The following STXBP5 variants were observed in gnomAD, a reference collection of about 807,000 sequenced individuals.
STXBP5 encodes the protein syntaxin binding protein 5.
Under a neutral mutation model 152.4 loss-of-function variants are expected in STXBP5, and 50 were observed. The ratio of observed to expected loss-of-function variants is 0.33; its 90% confidence interval spans 0.26 to 0.42. The LOEUF is 0.42. Among genes scored for constraint, STXBP5 ranks in the 10% least tolerant of loss-of-function variants. STXBP5 has a pLI of 1.00. For synonymous variants in STXBP5, 492 were observed against 494.7 expected (o/e 0.99, Z 0.07); for missense variants, 1,167 against 1,388.6 (o/e 0.84, Z 2.54).
chr6:147,368,132 G>A (rs1317643591), intron 25 of STXBP5, among the ~76,000 whole-genome samples: 1 of 151,968 alleles, frequency 6.6e-6, no homozygotes, highest in Non-Finnish European at 1.5e-5. Flanking sequence ...AACTGAATTA[G>A]GATTGCTTCC....
chr6:147,374,619 A>G (rs1163512926), intron 26 of STXBP5, among the ~76,000 whole-genome samples: 1 of 152,192 alleles, frequency 6.6e-6, no homozygotes, highest in Non-Finnish European at 1.5e-5. Context: ...ACGTATTTCT[A>G]AAATTTGTTA....
intron 18 of STXBP5, among the ~76,000 whole-genome samples, chr6:147,330,194 T>A (rs1368741432): frequency 6.6e-6 from 1 of 152,178 alleles, no homozygotes; most frequent in Non-Finnish European, 1.5e-5. Flanking sequence ...GCTAAAAATC[T>A]GATTCTACTA....
chr6:147,265,756 A>G (rs1427481284), intron 6 of STXBP5, among the ~76,000 whole-genome samples: 3 of 152,182 alleles, frequency 2.0e-5, no homozygotes. Flanking sequence ...CATAAGAAGT[A>G]TTTATAACAT....
intron 2 of STXBP5, among the ~76,000 whole-genome samples, chr6:147,215,862 A>T (rs998420244): frequency 8.5e-5 from 13 of 152,172 alleles, no homozygotes; most frequent in African/African-American, 3.1e-4. Context: ...TAGCTCAATT[A>T]TTGAAGTGTT....
chr6:147,355,454 C>A (rs1784774436), intron 22 of STXBP5, among the ~76,000 whole-genome samples: 1 of 152,040 alleles, frequency 6.6e-6, no homozygotes, highest in Non-Finnish European at 1.5e-5. Flanking sequence ...CAAATTTTGT[C>A]TGAGTTTAGA....
intron 2 of STXBP5, among the ~76,000 whole-genome samples, chr6:147,231,313 T>A (rs886769072): frequency 6.6e-6 from 1 of 151,852 alleles, no homozygotes; most frequent in African/African-American, 2.4e-5. Context: ...GTCACATACA[T>A]CTTCTCTTCA....
Position 147,373,915 on chromosome 6 carries a change from G to A in STXBP5, c.3193+73G>A, listed in dbSNP as rs41285881. The A allele has an allele frequency of 8.5e-5, 82 of 959,938 alleles. No homozygotes were observed. In the South Asian group the frequency reaches 1.2e-3, roughly 14 times the overall value. The allele number at this position is 959,938 out of a possible 1,614,324, so 59.5% of individuals were successfully genotyped here. On this transcript the variant is annotated intron_variant, in intron 26 of 27. Coordinates refer to ENST00000321680, the MANE Select transcript of STXBP5 (RefSeq NM_001127715.4). Reference sequence around the variant, plus strand: ...AAGCCATACAAAAATTTTTTTATACGTGTAAATTATGTTCACTTTTTTTCT... The same window carrying A: ...AAGCCATACAAAAATTTTTTTATACATGTAAATTATGTTCACTTTTTTTCT...
intron 2 of STXBP5, among the ~76,000 whole-genome samples, chr6:147,207,752 C>T (rs1776646260): frequency 6.6e-6 from 1 of 152,104 alleles, no homozygotes; most frequent in African/African-American, 2.4e-5. Context: ...AGCTATTTTT[C>T]CCTTATTTTG....
chr6:147,308,529 C>T (rs1782210911), intron 9 of STXBP5, among the ~76,000 whole-genome samples: 2 of 152,030 alleles, frequency 1.3e-5, no homozygotes, highest in Non-Finnish European at 2.9e-5. Flanking sequence ...GTTGTGGATG[C>T]AGCAATGAAC....
intron 21 of STXBP5, among the ~76,000 whole-genome samples, chr6:147,349,593 A>C (rs981952147): frequency 6.6e-6 from 1 of 152,210 alleles, no homozygotes; most frequent in African/African-American, 2.4e-5. Flanking sequence ...TCCACATCCC[A>C]TGGTCTTAGA....
intron 7 of STXBP5, among the ~76,000 whole-genome samples, chr6:147,274,528 A>G (rs1233930008): frequency 6.6e-6 from 1 of 152,192 alleles, no homozygotes; most frequent in Non-Finnish European, 1.5e-5. Flanking sequence ...TGGTGTAACT[A>G]TATTGAAAAG....
intron 2 of STXBP5, among the ~76,000 whole-genome samples, chr6:147,224,133 A>T (rs1280109564): frequency 6.6e-6 from 1 of 152,232 alleles, no homozygotes; most frequent in Non-Finnish European, 1.5e-5. Context: ...ATTCTTAAAC[A>T]TGCAGGGCTT....
At chr6:147,349,143 C>T (rs916308193) in intron 21 of STXBP5, among the ~76,000 whole-genome samples, 1 of 151,824 alleles carries the variant, frequency 6.6e-6, no homozygotes, top group African/African-American at 2.4e-5. Context: ...TACATATTTA[C>T]ATTCATTCTG....
At chr6:147,363,796 TG>T in intron 24 of STXBP5, 92 bp downstream of exon 24, 1 of 1,490,264 alleles carries the variant, frequency 6.7e-7, no homozygotes, top group Non-Finnish European at 8.9e-7. Context: ...TTTTTGTGTG[TG>T]TATAGTCTTA....
At chr6:147,314,910 G>A (rs1429995203) in intron 14 of STXBP5, among the ~76,000 whole-genome samples, 1 of 152,046 alleles carries the variant, frequency 6.6e-6, no homozygotes, top group African/African-American at 2.4e-5. Context: ...GGGGAAGTGG[G>A]AATGTGTTCC....
intron 2 of STXBP5, among the ~76,000 whole-genome samples, chr6:147,224,311 A>T (rs1156889120): frequency 6.6e-6 from 1 of 152,162 alleles, no homozygotes; most frequent in East Asian, 1.9e-4. Flanking sequence ...CTGTAATCCC[A>T]GCTACTGGGA....
intron 26 of STXBP5, among the ~76,000 whole-genome samples, chr6:147,376,662 T>G (rs1297622277): frequency 1.3e-5 from 2 of 151,814 alleles, no homozygotes; most frequent in East Asian, 3.9e-4. Context: ...ACAAAAAATT[T>G]AAAAATTTAG....
intron 25 of STXBP5, among the ~76,000 whole-genome samples, chr6:147,367,028 A>G (rs1264274592): frequency 6.6e-6 from 1 of 152,220 alleles, no homozygotes; most frequent in Non-Finnish European, 1.5e-5. Context: ...CAGAACTGAC[A>G]TACATACCAG....
intron 4 of STXBP5, among the ~76,000 whole-genome samples, chr6:147,256,505 A>G (rs1407217095): frequency 6.6e-6 from 1 of 152,150 alleles, no homozygotes; most frequent in Non-Finnish European, 1.5e-5. Context: ...TCCCAGATAT[A>G]GGTACCACAA....
Sources: allele counts gnomAD v4.1 joint callset (sites outside exome capture counted in the v4.1 genomes callset), GRCh38; gene constraint gnomAD v4.1.1; transcripts MANE v1.5; gene names NCBI Gene and HGNC (gene_info 2026-07-23, HGNC 2026-07-21).